FILIP1L: variants seen among roughly 807,000 people sequenced by gnomAD.
FILIP1L encodes filamin A interacting protein 1 like.
Under a neutral mutation model 96.6 loss-of-function variants are expected in FILIP1L, and 55 were observed. That is an observed-to-expected ratio of 0.57 (90% CI 0.46 to 0.71). The LOEUF is 0.71. Among genes scored for constraint, FILIP1L ranks in the 30% least tolerant of loss-of-function variants. The probability of loss-of-function intolerance (pLI) is 0.00; values close to 1 mark genes in which losing one functional copy is unlikely to be tolerated. For missense variants in FILIP1L, 1,304 were observed against 1,321.2 expected (o/e 0.99, Z 0.20); for synonymous variants, 467 against 473.9 (o/e 0.99, Z 0.19).
At chr3:99,874,837 C>G (rs548309353) in intron 4 of FILIP1L, among the ~76,000 whole-genome samples, 1 of 152,340 alleles carries the variant, frequency 6.6e-6, no homozygotes, top group African/African-American at 2.4e-5. Flanking sequence ...GTAACACACA[C>G]ATACACCTCA....
At chr3:99,968,419 G>GT (rs1288354671) in intron 1 of FILIP1L, among the ~76,000 whole-genome samples, 33 of 147,470 alleles carry the variant, frequency 2.2e-4, no homozygotes, top group South Asian at 6.4e-4. Context: ...GAAAAACTAT[G>GT]TTTTTGGGGG....
Position 99,843,389 on chromosome 3 carries a change from AAAG to A in FILIP1L, c.3381+4903_3381+4905del, listed in dbSNP as rs147574087. ...TTTATTGAGCTTTCCTTTTAAATAAAAAGAAAACTTGGAGAATAAACCTTCTGT... is the reference window on the plus strand; with the variant it reads ...TTTATTGAGCTTTCCTTTTAAATAAAAAAACTTGGAGAATAAACCTTCTGT... On this transcript the variant is annotated intron_variant, in intron 5 of 5. Coordinates refer to ENST00000477258, the MANE Select transcript of FILIP1L (RefSeq NM_001387850.1). Among the ~76,000 whole-genome samples, 761 of 152,316 alleles carry A rather than the reference AAAG, an allele frequency of 5.0e-3. 6 individuals carry two copies. Among genetic ancestry groups the A allele is most frequent in the African/African-American group, 0.017 (718 of 41,578 alleles).
At chr3:100,053,332 C>T (rs569246868) in intron 1 of FILIP1L, among the ~76,000 whole-genome samples, 15 of 152,290 alleles carry the variant, frequency 9.8e-5, no homozygotes, top group African/African-American at 3.6e-4. Flanking sequence ...ATGCTTCCTT[C>T]AAAGGCCGTA....
chr3:99,884,766 A>G (rs1487685301), intron 4 of FILIP1L, among the ~76,000 whole-genome samples: 8 of 152,220 alleles, frequency 5.3e-5, no homozygotes, highest in Admixed American at 5.2e-4. Flanking sequence ...TCATTTTTGT[A>G]CAATTTAACC....
chr3:99,869,427 T>C (rs1944678132), intron 4 of FILIP1L, among the ~76,000 whole-genome samples: 1 of 152,228 alleles, frequency 6.6e-6, no homozygotes. Context: ...ATAATGTATT[T>C]ATTTTAATAA....
At chr3:100,031,028 T>C (rs748319315) in intron 1 of FILIP1L, among the ~76,000 whole-genome samples, 8 of 152,206 alleles carry the variant, frequency 5.3e-5, no homozygotes. Context: ...TCTCTGTTAC[T>C]CTCTTCCTAA....
intron 4 of FILIP1L, among the ~76,000 whole-genome samples, chr3:99,894,123 CA>C (rs1203816088): frequency 5.3e-5 from 8 of 152,170 alleles, no homozygotes; most frequent in African/African-American, 1.9e-4. Flanking sequence ...GAAAGTAAGA[CA>C]AATCTCCTGC....
chr3:99,983,460 GTGTGTATATATATATATATATA>G (rs1156329733), intron 1 of FILIP1L, among the ~76,000 whole-genome samples: 1,706 of 69,418 alleles, frequency 0.025, 60 homozygotes, highest in East Asian at 0.057. Context: ...ATATATATAT[GTGTGTATATATATATATATATA>G]TATATATATA....
At position 99,887,174 on chromosome 3, in the gene FILIP1L, G is replaced by A. The variant is rs550708761; in HGVS notation, c.606-36104C>T. Among the ~76,000 whole-genome samples the A allele has an allele frequency of 9.2e-5, 14 of 151,954 alleles. No homozygotes were observed. The South Asian group carries it at 2.5e-3, about 27-fold the overall frequency. On this transcript the variant is annotated intron_variant, in intron 4 of 5. Transcript: ENST00000477258. Reference sequence around the variant, plus strand: ...ATCCCAGCTACTCGAGAGGCTAACAGGAGAATCACTTGAACCCAGGAGGAG... The same window carrying A: ...ATCCCAGCTACTCGAGAGGCTAACAAGAGAATCACTTGAACCCAGGAGGAG...
intron 4 of FILIP1L, among the ~76,000 whole-genome samples, chr3:99,879,274 A>G (rs889747254): frequency 6.6e-6 from 1 of 152,178 alleles, no homozygotes; most frequent in African/African-American, 2.4e-5. Context: ...GGAGATACCA[A>G]CTAGATTTAG....
At chr3:99,956,676 T>C (rs147182943) in intron 1 of FILIP1L, among the ~76,000 whole-genome samples, 1,715 of 152,332 alleles carry the variant, frequency 0.011, 18 homozygotes, top group African/African-American at 0.025. Flanking sequence ...ATCATAAGCA[T>C]CGCCTCTTAA....
intron 4 of FILIP1L, among the ~76,000 whole-genome samples, chr3:99,896,227 G>T (rs941357083): frequency 6.6e-6 from 1 of 152,180 alleles, no homozygotes; most frequent in African/African-American, 2.4e-5. Context: ...TCCTTTCCTG[G>T]CAAATAAGTG....
chr3:100,077,667 A>G (rs2065870621), intron 1 of FILIP1L, among the ~76,000 whole-genome samples: 1 of 152,184 alleles, frequency 6.6e-6, no homozygotes, highest in Non-Finnish European at 1.5e-5. Context: ...TCACACCTAT[A>G]ATCACAGTGA....
chr3:100,105,251 T>A (rs1165231559), intron 1 of FILIP1L, among the ~76,000 whole-genome samples: 1 of 152,174 alleles, frequency 6.6e-6, no homozygotes, highest in Non-Finnish European at 1.5e-5. Context: ...TGAAATAACA[T>A]ATAATTGAAG....
At chr3:100,104,757 A>G (rs938817975) in intron 1 of FILIP1L, among the ~76,000 whole-genome samples, 1 of 152,170 alleles carries the variant, frequency 6.6e-6, no homozygotes, top group African/African-American at 2.4e-5. Flanking sequence ...AACTTTCATC[A>G]AGAGAAACTC....
intron 1 of FILIP1L, among the ~76,000 whole-genome samples, chr3:100,044,920 T>C (rs573410014): frequency 6.6e-6 from 1 of 152,334 alleles, no homozygotes; most frequent in East Asian, 1.9e-4. Flanking sequence ...TAGTAGTGTC[T>C]CTGATGACTT....
chr3:99,896,874 A>G (rs945406757), intron 4 of FILIP1L, among the ~76,000 whole-genome samples: 1 of 152,194 alleles, frequency 6.6e-6, no homozygotes, highest in Non-Finnish European at 1.5e-5. Context: ...TTCATAACAA[A>G]TCAGTGTATA....
intron 4 of FILIP1L, among the ~76,000 whole-genome samples, chr3:99,914,501 C>T (rs1706890184): frequency 6.6e-6 from 1 of 152,126 alleles, no homozygotes; most frequent in Admixed American, 6.5e-5. Context: ...TGATTCATGT[C>T]ATTAACATTC....
At chr3:100,099,827 A>G (rs2066274393) in intron 1 of FILIP1L, among the ~76,000 whole-genome samples, 1 of 152,188 alleles carries the variant, frequency 6.6e-6, no homozygotes, top group African/African-American at 2.4e-5. Context: ...AAGTATGGTA[A>G]AGTATCATAA....
Sources: allele counts gnomAD v4.1 joint callset (sites outside exome capture counted in the v4.1 genomes callset), GRCh38; gene constraint gnomAD v4.1.1; transcripts MANE v1.5; gene names NCBI Gene and HGNC (gene_info 2026-07-23, HGNC 2026-07-21).